Variants in KCNG2 observed in about 807,000 individuals in gnomAD.
KCNG2 encodes the protein potassium voltage-gated channel modifier subfamily G member 2.
In KCNG2, 7 loss-of-function variants were observed where a neutral mutation model predicts 12.3. That is an observed-to-expected ratio of 0.57 (90% CI 0.32 to 1.07). The LOEUF (loss-of-function observed/expected upper bound fraction) is 1.07. KCNG2 is among the 50% of genes least tolerant of loss of function. The pLI, the probability that KCNG2 is intolerant of heterozygous loss-of-function variation, is 0.04. For synonymous variants in KCNG2, 414 were observed against 351.4 expected (o/e 1.18, Z -1.99); for missense variants, 703 against 726.0 (o/e 0.97, Z 0.36).
intron 2 of KCNG2, among the ~76,000 whole-genome samples, chr18:79,863,277 C>T (rs1026004318): frequency 2.0e-5 from 3 of 152,262 alleles, no homozygotes; most frequent in Middle Eastern, 3.2e-3. Flanking sequence ...GGCGTCCTCA[C>T]CGGTCGGTGG....
At chr18:79,862,141 C>T (rs1979244215) in intron 2 of KCNG2, among the ~76,000 whole-genome samples, 1 of 152,140 alleles carries the variant, frequency 6.6e-6, no homozygotes, top group Non-Finnish European at 1.5e-5. Flanking sequence ...TGTTTTAGTT[C>T]CTTTTTCCTG....
chr18:79,804,414 G>C (rs1249084472), intron 1 of KCNG2, among the ~76,000 whole-genome samples: 1 of 152,198 alleles, frequency 6.6e-6, no homozygotes, highest in Non-Finnish European at 1.5e-5. Context: ...CACACACCTG[G>C]GACTCCTGGC....
intron 3 of KCNG2, among the ~76,000 whole-genome samples, chr18:79,870,308 G>A (rs943468768): frequency 2.0e-5 from 3 of 152,232 alleles, no homozygotes; most frequent in South Asian, 2.1e-4. Context: ...CTCTGACAGT[G>A]ACAGGGCTTG....
chr18:79,798,139 C>T (rs1038984013), intron 1 of KCNG2, among the ~76,000 whole-genome samples, 125 bp downstream of exon 1: 1 of 141,968 alleles, frequency 7.0e-6, no homozygotes, highest in Non-Finnish European at 1.5e-5. Flanking sequence ...GCTTCTTCTC[C>T]GGGTGCGCGG....
rs1391393410 is a variant in KCNG2, at chr18:79,864,053, A to AGGC, written c.390_392dup (p.Ala131dup). 2.4e-5 allele frequency: 27 copies of AGGC among 1,110,810 alleles called. No individual in the cohort carries two copies. The highest frequency in any genetic ancestry group is 3.0e-5 in the Non-Finnish European group (27 of 911,288). The allele number at this position is 1,110,810 out of a possible 1,614,324, so 68.8% of individuals were successfully genotyped here. On this transcript the variant is annotated inframe_insertion, in exon 3 of 4. Transcript: ENST00000316249. ...CGCCGCCTGCGCCGCCGCGAGGAGG[A>AGGC]GGCGGCCGAGGCCCGCGCGGGGCCG...
intron 3 of KCNG2, among the ~76,000 whole-genome samples, chr18:79,897,407 A>G (rs1981018008): frequency 6.6e-6 from 1 of 152,004 alleles, no homozygotes; most frequent in Non-Finnish European, 1.5e-5. Context: ...TCAATTCCAG[A>G]ATTTCCGTTT....
chr18:79,882,116 G>GA (rs1941883233), intron 3 of KCNG2, among the ~76,000 whole-genome samples: 1 of 152,226 alleles, frequency 6.6e-6, no homozygotes. Flanking sequence ...AGAAAACATA[G>GA]AGGTGGCCTT....
chr18:79,870,146 C>T (rs1979772993), intron 3 of KCNG2, among the ~76,000 whole-genome samples: 1 of 152,344 alleles, frequency 6.6e-6, no homozygotes, highest in African/African-American at 2.4e-5. Flanking sequence ...TGGAGGAGGC[C>T]GAGCGACCTC....
At chr18:79,801,346 C>G (rs1568239636) in intron 1 of KCNG2, among the ~76,000 whole-genome samples, 1 of 152,356 alleles carries the variant, frequency 6.6e-6, no homozygotes, top group Admixed American at 6.5e-5. Context: ...CTCGCCAGCT[C>G]TGCGTCCTCC....
intron 3 of KCNG2, among the ~76,000 whole-genome samples, chr18:79,870,592 C>T (rs1026614302): frequency 2.0e-5 from 3 of 152,238 alleles, no homozygotes; most frequent in African/African-American, 7.2e-5. Context: ...GGAGACCTGC[C>T]CGCTGTTGGA....
intron 3 of KCNG2, among the ~76,000 whole-genome samples, chr18:79,878,838 G>A (rs12963098): frequency 0.34 from 51,204 of 152,206 alleles, 10,663 homozygotes; most frequent in Non-Finnish European, 0.47. Context: ...GATGGTGGCC[G>A]TGGCTGTGGA....
chr18:79,866,184 C>T (rs1482152141), intron 3 of KCNG2, among the ~76,000 whole-genome samples: 1 of 130,124 alleles, frequency 7.7e-6, no homozygotes, highest in Non-Finnish European at 1.6e-5. Flanking sequence ...GCTGAGAGGT[C>T]TGTGGGCTGA....
intron 3 of KCNG2, among the ~76,000 whole-genome samples, chr18:79,893,491 GTGTC>G (rs1980824930): frequency 6.6e-6 from 1 of 152,048 alleles, no homozygotes; most frequent in Non-Finnish European, 1.5e-5. Flanking sequence ...AGTTGGGTCT[GTGTC>G]TGCTTTTGAT....
At chr18:79,877,578 C>T (rs982848253) in intron 3 of KCNG2, among the ~76,000 whole-genome samples, 1 of 151,940 alleles carries the variant, frequency 6.6e-6, no homozygotes, top group Non-Finnish European at 1.5e-5. Flanking sequence ...ACACCTCCGC[C>T]CCCCCCGAGA....
intron 3 of KCNG2, among the ~76,000 whole-genome samples, chr18:79,873,436 C>A (rs1398016829): frequency 6.9e-6 from 1 of 145,708 alleles, no homozygotes; most frequent in Non-Finnish European, 1.5e-5. Context: ...TCCCCCCCCC[C>A]CAGCCACCTC....
rs541198584 is a variant in KCNG2 at position 79,894,317 on chromosome 18, T to C, written c.625-4723T>C. 2.8e-5 allele frequency among the ~76,000 whole-genome samples: 4 copies of C among 142,586 alleles called. No individual in the cohort carries two copies. In the Admixed American group the frequency reaches 2.8e-4, roughly 10 times the overall value. The allele number at this position is 142,586 out of a possible 152,430, so 93.5% of individuals were successfully genotyped here. A position where few individuals can be genotyped will look rare whatever the true frequency, so the allele number is the denominator to read the frequency against. On this transcript the variant is annotated intron_variant, in intron 3 of 3. Coordinates refer to ENST00000316249, the MANE Select transcript of KCNG2 (RefSeq NM_012283.2). ...ACATCTAATGTTACGATTGATATAATTGGGTCTGTGTCTGCTTTTGATTGG... is the reference window on the plus strand; with the variant it reads ...ACATCTAATGTTACGATTGATATAACTGGGTCTGTGTCTGCTTTTGATTGG...
chr18:79,862,170 G>C (rs1392988285), intron 2 of KCNG2, among the ~76,000 whole-genome samples: 1 of 152,094 alleles, frequency 6.6e-6, no homozygotes, highest in Non-Finnish European at 1.5e-5. Flanking sequence ...CTACACTCTT[G>C]TATTCTTTGT....
intron 1 of KCNG2, among the ~76,000 whole-genome samples, chr18:79,837,263 C>G (rs1011898224): frequency 1.3e-5 from 2 of 152,238 alleles, no homozygotes; most frequent in Non-Finnish European, 2.9e-5. Context: ...CACACTGATG[C>G]AAGAAGTGGG....
At chr18:79,897,606 CTTCT>C (rs777898371) in intron 3 of KCNG2, among the ~76,000 whole-genome samples, 18 of 152,172 alleles carry the variant, frequency 1.2e-4, no homozygotes, top group Non-Finnish European at 2.6e-4. Context: ...TCATACTTTC[CTTCT>C]TTTTCTTTTT....
Sources: allele counts gnomAD v4.1 joint callset (sites outside exome capture counted in the v4.1 genomes callset), GRCh38; gene constraint gnomAD v4.1.1; transcripts MANE v1.5; gene names NCBI Gene and HGNC (gene_info 2026-07-23, HGNC 2026-07-21).